The following PLCB4 variants were observed in gnomAD, a reference collection of about 807,000 sequenced individuals.
PLCB4 encodes the protein 1-phosphatidylinositol 4,5-bisphosphate phosphodiesterase beta-4.
A neutral mutation model predicts 178.8 loss-of-function variants in PLCB4; 77 were observed. The observed-to-expected ratio is 0.43, with a 90% CI of 0.36 to 0.52. PLCB4 has a LOEUF of 0.52. PLCB4 is among the 20% of genes least tolerant of loss of function. The probability of loss-of-function intolerance (pLI) is 0.00; values close to 1 mark genes in which losing one functional copy is unlikely to be tolerated. For synonymous variants in PLCB4, 496 were observed against 490.8 expected (o/e 1.01, Z -0.14); for missense variants, 1,024 against 1,453.4 (o/e 0.70, Z 4.80).
At position 9,394,434 on chromosome 20, in the gene PLCB4, C is replaced by T. The variant is rs1470576544; in HGVS notation, c.1414+756C>T. 2.6e-5 allele frequency among the ~76,000 whole-genome samples: 4 copies of T among 151,734 alleles called. No homozygotes were observed. In the South Asian group the frequency reaches 8.3e-4, roughly 32 times the overall value. On this transcript the variant is annotated intron_variant, in intron 18 of 39. Transcript: ENST00000378473. Reference sequence around the variant, plus strand: ...CGTAATGTACATGTGTAGATATATACCCACATTTTTAACATGACTGAGATC... The same window carrying T: ...CGTAATGTACATGTGTAGATATATATCCACATTTTTAACATGACTGAGATC...
At chr20:9,362,646 A>T (rs534135687) in intron 7 of PLCB4, among the ~76,000 whole-genome samples, 1 of 152,358 alleles carries the variant, frequency 6.6e-6, no homozygotes, top group East Asian at 1.9e-4. Context: ...AGTGGGCAAC[A>T]TTCCTTTGTG....
chr20:9,236,715 A>T (rs1341686240), intron 3 of PLCB4, among the ~76,000 whole-genome samples: 1 of 152,206 alleles, frequency 6.6e-6, no homozygotes, highest in Non-Finnish European at 1.5e-5. Context: ...CTTATTTCAG[A>T]CAAGCGGTAG....
intron 3 of PLCB4, among the ~76,000 whole-genome samples, chr20:9,269,769 A>G (rs1010884451): frequency 1.3e-5 from 2 of 152,206 alleles, no homozygotes; most frequent in African/African-American, 4.8e-5. Flanking sequence ...AATGCTGGTG[A>G]ATGATGAGGA....
In PLCB4 at chr20:9,427,755, A is replaced by T. The variant is rs115246600; in HGVS notation, c.2524+3803A>T. On this transcript the variant is annotated intron_variant, in intron 28 of 39. Coordinates refer to ENST00000378473, the MANE Select transcript of PLCB4 (RefSeq NM_001377142.1). ...ACTGTTGCTTTGGGTGGGTTTTATC[A>T]CTTGTGTTTATTTTATTATTACTGA... 5.8e-3 allele frequency among the ~76,000 whole-genome samples: 876 copies of T among 152,204 alleles called. 11 individuals carry two copies. The highest frequency in any genetic ancestry group is 0.02 in the African/African-American group (845 of 41,524).
At chr20:9,427,682 T>G (rs1403814709) in intron 28 of PLCB4, among the ~76,000 whole-genome samples, 2 of 152,204 alleles carry the variant, frequency 1.3e-5, no homozygotes, top group Non-Finnish European at 2.9e-5. Flanking sequence ...AGGAAGCAGT[T>G]CCAGGGCTAA....
intron 2 of PLCB4, among the ~76,000 whole-genome samples, chr20:9,154,863 C>G (rs1472945242): frequency 7.1e-6 from 1 of 140,770 alleles, no homozygotes; most frequent in African/African-American, 2.7e-5. Context: ...TCCCTCTCTC[C>G]CTCCCTTCCT....
chr20:9,227,491 T>A (rs1174724923), intron 3 of PLCB4, among the ~76,000 whole-genome samples: 1 of 152,158 alleles, frequency 6.6e-6, no homozygotes, highest in Non-Finnish European at 1.5e-5. Flanking sequence ...CATAGAGCCA[T>A]CCTGAATATG....
At chr20:9,477,211 C>G (rs1461603186) in intron 39 of PLCB4, among the ~76,000 whole-genome samples, 1 of 152,208 alleles carries the variant, frequency 6.6e-6, no homozygotes, top group Non-Finnish European at 1.5e-5. Flanking sequence ...TCTTGTCATG[C>G]TCTCTGCTAA....
At chr20:9,388,219 C>G (rs566840636) in intron 15 of PLCB4, among the ~76,000 whole-genome samples, 1 of 152,272 alleles carries the variant, frequency 6.6e-6, no homozygotes, top group East Asian at 1.9e-4. Context: ...GCCTGGACAA[C>G]AAGAGTGAAA....
chr20:9,285,812 C>A (rs1473362215), intron 3 of PLCB4, among the ~76,000 whole-genome samples: 1 of 151,970 alleles, frequency 6.6e-6, no homozygotes, highest in Non-Finnish European at 1.5e-5. Flanking sequence ...AAGTGAACAG[C>A]CAGACCAGGG....
chr20:9,150,428 A>T (rs1330792278), intron 2 of PLCB4, among the ~76,000 whole-genome samples: 1 of 152,162 alleles, frequency 6.6e-6, no homozygotes, highest in Non-Finnish European at 1.5e-5. Flanking sequence ...TGTCATGCAC[A>T]TTTGTACTTT....
chr20:9,072,223 A>T (rs2089610814), intron 1 of PLCB4, among the ~76,000 whole-genome samples: 1 of 152,150 alleles, frequency 6.6e-6, no homozygotes, highest in Non-Finnish European at 1.5e-5. Context: ...TTGCAAGGAC[A>T]CTGCTTAATT....
At position 9,249,123 on chromosome 20, in the gene PLCB4, G is replaced by A. The variant is rs755153820; in HGVS notation, c.-16+31671G>A. 3.3e-4 allele frequency among the ~76,000 whole-genome samples: 50 copies of A among 151,966 alleles called. 1 individual carries two copies. The highest frequency in any genetic ancestry group is 6.8e-3 in the Middle Eastern group (2 of 294). ...CCTGTTTAAGGACTTTTGTACCTTT[G>A]TGATTCCATTGAGTCCACGTGGATA... is the stretch of plus-strand genomic sequence containing the variant. On this transcript the variant is annotated intron_variant, in intron 3 of 39. Coordinates refer to ENST00000378473, the MANE Select transcript of PLCB4 (RefSeq NM_001377142.1).
intron 2 of PLCB4, among the ~76,000 whole-genome samples, chr20:9,214,387 T>C (rs765786042): frequency 6.6e-5 from 10 of 152,208 alleles, no homozygotes; most frequent in Non-Finnish European, 1.2e-4. Context: ...GTGTGTTGAA[T>C]AGACTGTCTC....
At chr20:9,082,452 A>G (rs1283227252) in intron 1 of PLCB4, among the ~76,000 whole-genome samples, 1 of 152,158 alleles carries the variant, frequency 6.6e-6, no homozygotes, top group Non-Finnish European at 1.5e-5. Flanking sequence ...CCCCTCCCCA[A>G]GCTTGGAGCA....
rs1158561120 is a variant in PLCB4, at chr20:9,421,434, C to T, written c.2292C>T (p.Tyr764=). 3 of 1,613,656 alleles carry T rather than the reference C, an allele frequency of 1.9e-6. No individual in the cohort carries two copies. Among genetic ancestry groups the T allele is most frequent in the Non-Finnish European group, 2.5e-6 (3 of 1,179,772 alleles). Residue 764 remains tyrosine, a synonymous_variant, in exon 27 of 40, where the codon TAC becomes TAT. Transcript: ENST00000378473. ...MVMNNGLNPV[Y]NEESFVFRKV... is the part of the protein sequence containing the mutation. The stretch of plus-strand genomic sequence containing the variant: ...TGAATAATGGACTCAATCCAGTTTA[C>T]AATGAAGAGTCATTTGTATTTCGGA...
intron 2 of PLCB4, among the ~76,000 whole-genome samples, chr20:9,215,852 G>C (rs1356084803): frequency 2.6e-5 from 4 of 152,124 alleles, no homozygotes; most frequent in Non-Finnish European, 5.9e-5. Context: ...AGATTAGTGA[G>C]GTTTGTCTTA....
intron 19 of PLCB4, among the ~76,000 whole-genome samples, chr20:9,396,472 G>A (rs1168533819): frequency 6.6e-6 from 1 of 152,188 alleles, no homozygotes; most frequent in African/African-American, 2.4e-5. Context: ...AAATATTTGA[G>A]TATGTGCTAT....
At chr20:9,286,724 G>T (rs188611306) in intron 3 of PLCB4, among the ~76,000 whole-genome samples, 1 of 152,130 alleles carries the variant, frequency 6.6e-6, no homozygotes, top group African/African-American at 2.4e-5. Flanking sequence ...TGACCTCATG[G>T]ATAGAGGATT....
Sources: allele counts gnomAD v4.1 joint callset (sites outside exome capture counted in the v4.1 genomes callset), GRCh38; gene constraint gnomAD v4.1.1; transcripts MANE v1.5; gene names NCBI Gene and HGNC (gene_info 2026-07-23, HGNC 2026-07-21).